Variants in ITGA8 observed in about 807,000 individuals in gnomAD.
The protein encoded by ITGA8 is integrin subunit alpha 8.
In ITGA8, 91 loss-of-function variants were observed where a neutral mutation model predicts 142.3. The observed-to-expected ratio is 0.64, with a 90% CI of 0.54 to 0.76. The LOEUF is 0.76. Ranked by LOEUF, ITGA8 falls within the 30% of genes least tolerant of loss-of-function variation. ITGA8 has a pLI of 0.00. For synonymous variants in ITGA8, 505 were observed against 485.2 expected, an observed-to-expected ratio of 1.04 and a Z score of -0.54; for missense variants, 1,406 against 1,327.7, an observed-to-expected ratio of 1.06 and a Z score of -0.92.
At chr10:15,682,036 G>T (rs1464527925) in intron 4 of ITGA8, among the ~76,000 whole-genome samples, 1 of 152,164 alleles carries the variant, frequency 6.6e-6, no homozygotes, top group African/African-American at 2.4e-5. Context: ...CATGTTGGTT[G>T]TTGCCTGAGT....
chr10:15,712,961 T>A (rs1326740993), intron 2 of ITGA8, among the ~76,000 whole-genome samples: 1 of 152,244 alleles, frequency 6.6e-6, no homozygotes, highest in Non-Finnish European at 1.5e-5. Context: ...TTTTGCAGAT[T>A]AAGCAATAGG....
At position 15,567,268 on chromosome 10, in the gene ITGA8, C is replaced by A. The variant is rs182970432; in HGVS notation, c.2637+4943G>T. On this transcript the variant is annotated intron_variant, in intron 25 of 29. Transcript: ENST00000378076. ...CCTCATCTTATCTAAAGATAACAGT[C>A]TGTGTGCAGGACTCTCCAAACCCTA... Among the ~76,000 whole-genome samples, 259 of 152,224 alleles carry A rather than the reference C, an allele frequency of 1.7e-3. 2 individuals are homozygous for A. The highest frequency in any genetic ancestry group is 2.9e-3 in the Non-Finnish European group (194 of 68,008).
intron 13 of ITGA8, among the ~76,000 whole-genome samples, chr10:15,622,189 G>C (rs1023949075): frequency 1.3e-5 from 2 of 151,690 alleles, no homozygotes; most frequent in Non-Finnish European, 2.9e-5. Flanking sequence ...AAACAAAAAA[G>C]AATCACCCAG....
chr10:15,540,784 T>A (rs546018473), intron 27 of ITGA8, among the ~76,000 whole-genome samples: 9 of 152,110 alleles, frequency 5.9e-5, no homozygotes, highest in Non-Finnish European at 1.2e-4. Context: ...CCCTGATGAC[T>A]AAAACAAGAC....
At chr10:15,627,133 T>A (rs773996190) in intron 13 of ITGA8, among the ~76,000 whole-genome samples, 4 of 152,154 alleles carry the variant, frequency 2.6e-5, no homozygotes, top group Admixed American at 1.3e-4. Flanking sequence ...TTAGAGTCTA[T>A]CAATCAACTC....
At chr10:15,564,683 A>G (rs1834046587) in intron 25 of ITGA8, among the ~76,000 whole-genome samples, 2 of 152,258 alleles carry the variant, frequency 1.3e-5, no homozygotes, top group Admixed American at 1.3e-4. Context: ...TGTGCAGTAC[A>G]GTCGGAAATG....
At chr10:15,628,099 T>C (rs1255328667) in intron 13 of ITGA8, among the ~76,000 whole-genome samples, 1 of 151,924 alleles carries the variant, frequency 6.6e-6, no homozygotes, top group African/African-American at 2.4e-5. Context: ...CCCTATATGG[T>C]CTACAAACGG....
chr10:15,709,032 G>A (rs1397582396), intron 2 of ITGA8, among the ~76,000 whole-genome samples: 1 of 152,190 alleles, frequency 6.6e-6, no homozygotes, highest in Non-Finnish European at 1.5e-5. Flanking sequence ...TCATAAATGT[G>A]AGGAGAAATA....
At chr10:15,647,177 T>A in intron 11 of ITGA8, 126 bp from the exon 12 acceptor site, 1 of 691,210 alleles carries the variant, frequency 1.4e-6, no homozygotes, top group Non-Finnish European at 2.5e-6. Flanking sequence ...TATTTTACAA[T>A]CATCAGATTG....
intron 25 of ITGA8, among the ~76,000 whole-genome samples, chr10:15,558,710 T>G (rs1833925931): frequency 6.6e-6 from 1 of 152,114 alleles, no homozygotes; most frequent in Admixed American, 6.5e-5. Flanking sequence ...CTGCACTCCT[T>G]TAGGAGAAAA....
At chr10:15,661,204 T>G (rs1834280014) in intron 8 of ITGA8, among the ~76,000 whole-genome samples, 1 of 152,156 alleles carries the variant, frequency 6.6e-6, no homozygotes, top group Admixed American at 6.5e-5. Flanking sequence ...GAGCACTGCC[T>G]CCTGTCTGAT....
chr10:15,529,940 T>C (rs1833255689), intron 28 of ITGA8, among the ~76,000 whole-genome samples: 1 of 152,258 alleles, frequency 6.6e-6, no homozygotes, highest in Non-Finnish European at 1.5e-5. Context: ...CTGATGCCAT[T>C]GATCTGCAAT....
intron 21 of ITGA8, 163 bp downstream of exon 21, chr10:15,597,044 G>C (rs1239600269): frequency 1.6e-6 from 1 of 636,872 alleles, no homozygotes; most frequent in South Asian, 1.9e-5. Flanking sequence ...GATTCACTCT[G>C]TGTAGGTTAT....
chr10:15,559,982 A>G (rs1338898109), intron 25 of ITGA8, among the ~76,000 whole-genome samples: 1 of 152,070 alleles, frequency 6.6e-6, no homozygotes, highest in Non-Finnish European at 1.5e-5. Context: ...CAAAACTTAA[A>G]ATTAAATTTA....
At position 15,586,584 on chromosome 10, in the gene ITGA8, C is replaced by T; in HGVS notation, c.2372G>A (p.Gly791Glu). 6.3e-7 allele frequency: 1 copy of T among 1,588,274 alleles called. No homozygotes were observed. The highest frequency in any genetic ancestry group is 8.6e-7 in the Non-Finnish European group (1 of 1,156,780). ...GTACTATGCATTGCTTACTACTTAC[C>T]CTCTTATTTCCACCTGCGCTACAGC... ...ITAVAQVEIRGVSHPPQIVLP... is the reference protein window; with the variant it reads ...ITAVAQVEIREVSHPPQIVLP... The change falls in exon 23 of 30, where the codon GGA (glycine) becomes GAA (glutamate). Residue 791 changes from glycine (G) to glutamate (E), a missense_variant and splice_region_variant. Transcript: ENST00000378076.
Position 15,605,785 on chromosome 10 carries a change from T to C in ITGA8, c.1909A>G (p.Ile637Val). 6.2e-6 allele frequency: 10 copies of C among 1,613,382 alleles called. No homozygotes were observed. The highest frequency in any genetic ancestry group is 8.5e-6 in the Non-Finnish European group (10 of 1,179,382). The change falls in exon 19 of 30, where the codon ATT becomes GTT. Residue 637 changes from isoleucine (I) to valine (V), a missense_variant. By Grantham distance (29) the Ile-to-Val change is conservative. Coordinates refer to ENST00000378076, the MANE Select transcript of ITGA8 (RefSeq NM_003638.3). ...TTGTCTTCTCCACAGTCCACCAGAA[T>C]GTGAGCCTGTGTTGTATAAACGCAC... is the stretch of plus-strand genomic sequence containing the variant. ...RENIVSEQAH[I>V]LVDCGEDNLC...
rs1194836143 is a variant in ITGA8 at position 15,655,357 on chromosome 10, T to A, written c.998A>T (p.Asp333Val). 6.3e-7 allele frequency: 1 copy of A among 1,591,100 alleles called. No individual in the cohort carries two copies. The highest frequency in any genetic ancestry group is 8.6e-7 in the Non-Finnish European group (1 of 1,159,626). The change falls in exon 11 of 30, where the codon GAT (aspartate) becomes GTT (valine). Residue 333 changes from aspartate (D) to valine (V), a missense_variant. Asp to Val is a radical substitution (Grantham distance 152). Transcript: ENST00000378076. Reference protein sequence around the residue: ...YTVVVSDVNSDGLDDVLVGAP... With the variant: ...YTVVVSDVNSVGLDDVLVGAP... The stretch of plus-strand genomic sequence containing the variant: ...TGAGAGAGGTCTATAAACTTACCCA[T>A]CACTGTTAACATCTGATACGACAAC...
At chr10:15,518,498 G>T (rs1564332867) in intron 29 of ITGA8, among the ~76,000 whole-genome samples, 1 of 152,202 alleles carries the variant, frequency 6.6e-6, no homozygotes, top group Admixed American at 6.5e-5. Context: ...CAGTTTATAG[G>T]TCTATTAGTC....
At chr10:15,527,695 G>GAGATGGCT (rs948398093) in intron 28 of ITGA8, among the ~76,000 whole-genome samples, 1 of 152,104 alleles carries the variant, frequency 6.6e-6, no homozygotes, top group African/African-American at 2.4e-5. Context: ...CGGGCCTCAA[G>GAGATGGCT]AGATGGCTGA....
Sources: allele counts gnomAD v4.1 joint callset (sites outside exome capture counted in the v4.1 genomes callset), GRCh38; gene constraint gnomAD v4.1.1; transcripts MANE v1.5; gene names NCBI Gene and HGNC (gene_info 2026-07-23, HGNC 2026-07-21).